Variants in IL17B observed in about 807,000 individuals in gnomAD.
IL17B encodes the protein interleukin 17B.
A neutral mutation model predicts 14.7 loss-of-function variants in IL17B; 14 were observed. The observed-to-expected ratio is 0.95, with a 90% CI of 0.63 to 1.49. The LOEUF (loss-of-function observed/expected upper bound fraction) is 1.49, where lower values mean the gene tolerates loss of function less well. Among genes scored for constraint, IL17B ranks in the 40% most tolerant of loss-of-function variants. IL17B has a pLI of 0.00. For missense variants in IL17B, 233 were observed against 252.8 expected (o/e 0.92, Z 0.53); for synonymous variants, 105 against 94.8 (o/e 1.11, Z -0.62).
At chr5:149,388,348 C>G (rs1032717377) in intron 1 of IL17B, among the ~76,000 whole-genome samples, 2 of 152,194 alleles carry the variant, frequency 1.3e-5, no homozygotes, top group African/African-American at 4.8e-5. Flanking sequence ...CCCATTATCT[C>G]AACCACAGAG....
chr5:149,374,549 G>T lies in IL17B; in HGVS notation c.363C>A (p.Cys121Ter). ...AGGGGTTCACACAGCCCAGACACAG[G>T]CACCGTGCCTCCGGCAGGTCCACGG... ...RIPVDLPEAR[C>*]LCLGCVNPFT... Residue 121 changes from cysteine to a stop codon, truncating the protein, a stop_gained, in exon 3 of 3, where the codon TGC (cysteine) becomes TGA (stop). Transcript: ENST00000261796. LOFTEE classifies it high-confidence loss of function. The surrounding 1 kb of genome is among the most constrained non-coding windows in gnomAD (Gnocchi z 5.0). 1 of 1,613,126 alleles carries T rather than the reference G, an allele frequency of 6.2e-7. No individual in the cohort carries two copies. Among genetic ancestry groups the T allele is most frequent in the Non-Finnish European group, 8.5e-7 (1 of 1,179,772 alleles).
intron 1 of IL17B, among the ~76,000 whole-genome samples, chr5:149,389,980 G>A (rs547489586): frequency 5.9e-5 from 9 of 152,212 alleles, no homozygotes; most frequent in Admixed American, 5.9e-4. Flanking sequence ...GGGGAGACGA[G>A]GACAAACAGA....
intron 1 of IL17B, 27 bp from the exon 2 acceptor site, chr5:149,377,052 G>T: frequency 6.6e-7 from 1 of 1,519,764 alleles, no homozygotes; most frequent in Non-Finnish European, 8.8e-7. Context: ...CAGGTCAAAG[G>T]TGGGAGAGCC....
chr5:149,386,558 G>A (rs1758831920), intron 1 of IL17B, among the ~76,000 whole-genome samples: 1 of 152,162 alleles, frequency 6.6e-6, no homozygotes, highest in South Asian at 2.1e-4. Flanking sequence ...TAAATATCTT[G>A]CCTAGGATGT....
intron 1 of IL17B, among the ~76,000 whole-genome samples, chr5:149,384,774 G>C (rs1055805438): frequency 3.3e-5 from 5 of 152,180 alleles, no homozygotes; most frequent in Non-Finnish European, 7.3e-5. Flanking sequence ...AACTGCCAGA[G>C]AGTCCCAGAA....
chr5:149,400,239 C>A (rs1248862133), intron 1 of IL17B, among the ~76,000 whole-genome samples: 1 of 151,882 alleles, frequency 6.6e-6, no homozygotes, highest in African/African-American at 2.4e-5. Flanking sequence ...ACAGCACACA[C>A]AGGGAAAACA....
At chr5:149,400,647 G>C (rs576146858) in intron 1 of IL17B, among the ~76,000 whole-genome samples, 1 of 152,232 alleles carries the variant, frequency 6.6e-6, no homozygotes, top group Admixed American at 6.5e-5. Flanking sequence ...GAGCCAACGG[G>C]ATATATAGAG....
intron 1 of IL17B, among the ~76,000 whole-genome samples, chr5:149,399,978 T>C (rs1759174946): frequency 1.3e-5 from 2 of 152,184 alleles, no homozygotes; most frequent in East Asian, 3.8e-4. Context: ...ACCTTCCTGC[T>C]TCTTCACAGT....
intron 1 of IL17B, among the ~76,000 whole-genome samples, chr5:149,396,032 C>T (rs1054670296): frequency 6.6e-6 from 1 of 152,188 alleles, no homozygotes; most frequent in Admixed American, 6.5e-5. Flanking sequence ...GTCGTTGTTG[C>T]CATATCTTGT....
Position 149,395,153 on chromosome 5 carries a change from T to G in IL17B, n.95+8955A>C, listed in dbSNP as rs185055731. On this transcript the variant is annotated intron_variant and non_coding_transcript_variant, in intron 1 of 2. Coordinates refer to the IL17B transcript ENST00000505432. ...TCCTGCATTAGTTCACTTAAGATAA[T>G]GACCTCCAGCTTCCATCCATGATGC... Among the ~76,000 whole-genome samples, 3 of 152,316 alleles carry G rather than the reference T, an allele frequency of 2.0e-5. No individual in the cohort carries two copies. The East Asian group carries it at 5.8e-4, about 29-fold the overall frequency.
intron 1 of IL17B, among the ~76,000 whole-genome samples, chr5:149,398,405 T>A (rs1280723882): frequency 6.6e-6 from 1 of 152,216 alleles, no homozygotes. Flanking sequence ...TGATTTCCCT[T>A]CCTAGCCACC....
chr5:149,401,224 C>T (rs866230345), intron 1 of IL17B, among the ~76,000 whole-genome samples: 24 of 152,174 alleles, frequency 1.6e-4, no homozygotes, highest in African/African-American at 4.6e-4. Context: ...CATAAGCTTC[C>T]GATTCCCTGT....
chr5:149,376,292 T>C (rs1466891667), intron 2 of IL17B, among the ~76,000 whole-genome samples: 1 of 152,146 alleles, frequency 6.6e-6, no homozygotes, highest in Non-Finnish European at 1.5e-5. Context: ...GAGGTTTGGA[T>C]TGGGCATGGG....
At chr5:149,387,692 C>A (rs1758853571) in intron 1 of IL17B, among the ~76,000 whole-genome samples, 1 of 147,812 alleles carries the variant, frequency 6.8e-6, no homozygotes, top group Non-Finnish European at 1.5e-5. Flanking sequence ...GAGAGGATCA[C>A]TTGATCCCAA....
At chr5:149,377,746 A>G (rs1477239657) in intron 1 of IL17B, among the ~76,000 whole-genome samples, 1 of 142,294 alleles carries the variant, frequency 7.0e-6, no homozygotes, top group Non-Finnish European at 1.5e-5. Context: ...GGGAAGGGAC[A>G]TGTCAGGTGA....
At chr5:149,390,693 G>T (rs1409041405) in intron 1 of IL17B, among the ~76,000 whole-genome samples, 2 of 151,004 alleles carry the variant, frequency 1.3e-5, no homozygotes, top group Admixed American at 1.3e-4. Context: ...TTAAAGCTAG[G>T]TAAGTGATTT....
rs56306992 is a variant in IL17B, at chr5:149,390,873, A to T, written n.95+13235T>A. ...TTTTTAAAAATAACTTTAAATTAAA[A>T]TTTTTTTAATAAACTGTTATTTATT... On this transcript the variant is annotated intron_variant and non_coding_transcript_variant, in intron 1 of 2. Transcript: ENST00000505432. Among the ~76,000 whole-genome samples, 922 of 152,086 alleles carry T rather than the reference A, an allele frequency of 6.1e-3. 6 individuals carry two copies. Among genetic ancestry groups the T allele is most frequent in the Non-Finnish European group, 8.1e-3 (548 of 67,990 alleles).
At chr5:149,385,872 C>G (rs1227939662) in intron 1 of IL17B, among the ~76,000 whole-genome samples, 1 of 152,168 alleles carries the variant, frequency 6.6e-6, no homozygotes, top group East Asian at 1.9e-4. Context: ...CCCCCAGAGC[C>G]GCTCCTGGCA....
At chr5:149,376,341 C>T (rs1758533129) in intron 2 of IL17B, among the ~76,000 whole-genome samples, 1 of 152,216 alleles carries the variant, frequency 6.6e-6, no homozygotes, top group Non-Finnish European at 1.5e-5. Flanking sequence ...TGGGAAGGCC[C>T]AGGTCCAGCA....
Sources: gnomAD v4.1 joint callset for allele counts (sites outside exome capture counted in the v4.1 genomes callset) on GRCh38, gnomAD v4.1.1 for gene constraint, Gnocchi (gnomAD v3.1) non-coding constraint, MANE v1.5 for transcripts, NCBI Gene and HGNC (gene_info 2026-07-23, HGNC 2026-07-21) for gene names.